HTT: variants seen among roughly 807,000 people sequenced by gnomAD.
The protein encoded by HTT is huntingtin, also known as huntington disease protein.
A neutral mutation model predicts 362.3 loss-of-function variants in HTT; 104 were observed. The ratio of observed to expected loss-of-function variants is 0.29; its 90% CI spans 0.24 to 0.34. The LOEUF is 0.34. HTT is among the 10% of genes least tolerant of loss of function. The probability of loss-of-function intolerance (pLI) is 1.00; values close to 1 mark genes in which losing one functional copy is unlikely to be tolerated. For missense variants in HTT, 3,301 were observed against 3,928.6 expected (o/e 0.84, Z 4.27); for synonymous variants, 1,577 against 1,548.7 (o/e 1.02, Z -0.43).
At chr4:3,127,881 T>C (rs1051768178) in intron 12 of HTT, among the ~76,000 whole-genome samples, 5 of 151,898 alleles carry the variant, frequency 3.3e-5, no homozygotes, top group Non-Finnish European at 5.9e-5. Context: ...GGAGAATTGC[T>C]TGAGCCTGGG....
rs575052638 is a variant in HTT at position 3,186,731 on chromosome 4, G to A, written c.4989+12G>A. The A allele has an allele frequency of 4.3e-5, 69 of 1,611,472 alleles. No homozygotes were observed. The highest frequency in any genetic ancestry group is 2.5e-4 in the South Asian group (23 of 91,038). On this transcript the variant is annotated intron_variant, in intron 38 of 66. Coordinates refer to ENST00000355072, the MANE Select transcript of HTT (RefSeq NM_001388492.1). ...CTCCAAACACAATGGTGAGTCTCTC[G>A]CCTGGCTCAGCAGATGAATCTGGAC...
chr4:3,107,088 A>G (rs1714469777), intron 5 of HTT, among the ~76,000 whole-genome samples, 197 bp from the exon 6 acceptor site: 3 of 152,236 alleles, frequency 2.0e-5, no homozygotes, highest in Non-Finnish European at 4.4e-5. Context: ...CTCTGTGATC[A>G]TAAGAGAAAT....
At chr4:3,176,929 C>T (rs987779891) in intron 33 of HTT, among the ~76,000 whole-genome samples, 2 of 152,166 alleles carry the variant, frequency 1.3e-5, no homozygotes, top group African/African-American at 4.8e-5. Context: ...CCCATGCAGC[C>T]CTTACGTGTC....
chr4:3,172,992 C>T lies in HTT; in HGVS notation c.4027C>T (p.Gln1343Ter). The T allele has an allele frequency of 2.5e-6, 4 of 1,614,204 alleles. No homozygotes were observed. Among genetic ancestry groups the T allele is most frequent in the Non-Finnish European group, 3.4e-6 (4 of 1,180,042 alleles). The change falls in exon 31 of 67, where the codon CAG (glutamine) becomes TAG (stop). Residue 1343 changes from glutamine (Q) to a stop codon, truncating the protein, a stop_gained. Transcript: ENST00000355072. LOFTEE classifies it high-confidence loss of function. ...SNPSKSQGRAQRLGSSSVRPG... is the reference protein window; with the variant it reads ...SNPSKSQGRA ...CCCCAGCAAGTCACAAGGCCGAGCA[C>T]AGCGCCTTGGCTCCTCCAGTGTGAG...
rs186239085 is a variant in HTT, at chr4:3,207,377, T to C, written c.6152+20T>C. On this transcript the variant is annotated intron_variant, in intron 45 of 66. Coordinates refer to ENST00000355072, the MANE Select transcript of HTT (RefSeq NM_001388492.1). Reference sequence around the variant, plus strand: ...TCAGAGGTAATGCTGGAAACACAGGTCGTCCTTGTGTTAGGACAACCCAGG... The same window carrying C: ...TCAGAGGTAATGCTGGAAACACAGGCCGTCCTTGTGTTAGGACAACCCAGG... The C allele has an allele frequency of 3.2e-4, 502 of 1,591,358 alleles. No individual in the cohort carries two copies. The highest frequency in any genetic ancestry group is 6.6e-4 in the Middle Eastern group (4 of 6,036).
At chr4:3,204,273 A>T in intron 42 of HTT, 125 bp downstream of exon 42, 1 of 851,508 alleles carries the variant, frequency 1.2e-6, no homozygotes, top group East Asian at 2.4e-5. Context: ...AGCTCCATCG[A>T]AACTAAATCT....
Position 3,187,840 on chromosome 4 carries a change from A to G in HTT, c.5179A>G (p.Ser1727Gly). Residue 1727 changes from serine to glycine, a missense_variant, in exon 39 of 67, where the codon AGT becomes GGT. By Grantham distance (56) the Ser-to-Gly change is moderately conservative. Coordinates refer to ENST00000355072, the MANE Select transcript of HTT (RefSeq NM_001388492.1). ...CAGTACTTCAACGCTAGAAGAACAC[A>G]GTGAAGGGAAACAAATAAAGAATTT... ...GDSTSTLEEHSEGKQIKNLPE... is the reference protein window; with the variant it reads ...GDSTSTLEEHGEGKQIKNLPE... The G allele has an allele frequency of 1.2e-6, 2 of 1,613,266 alleles. No homozygotes were observed. Among genetic ancestry groups the G allele is most frequent in the Non-Finnish European group, 1.7e-6 (2 of 1,179,246 alleles).
chr4:3,231,071 C>T (rs764185382), intron 60 of HTT, among the ~76,000 whole-genome samples: 25 of 152,204 alleles, frequency 1.6e-4, no homozygotes, highest in Non-Finnish European at 3.1e-4. Context: ...CCGTGGGTCC[C>T]GACATCTGGC....
intron 10 of HTT, 112 bp from the exon 11 acceptor site, chr4:3,125,437 A>G (rs1715478815): frequency 1.5e-6 from 1 of 657,940 alleles, no homozygotes; most frequent in African/African-American, 1.8e-5. Flanking sequence ...ATGATAAACT[A>G]TATTAGAGTA....
intron 45 of HTT, among the ~76,000 whole-genome samples, chr4:3,208,280 A>G (rs952584328): frequency 4.6e-5 from 7 of 152,244 alleles, no homozygotes; most frequent in Non-Finnish European, 1.0e-4. Context: ...CCCTAGACTT[A>G]GTCTTCAGTC....
intron 2 of HTT, among the ~76,000 whole-genome samples, chr4:3,087,482 T>G (rs918269666): frequency 2.6e-5 from 4 of 152,216 alleles, no homozygotes; most frequent in African/African-American, 9.6e-5. Flanking sequence ...GTGGGGATCG[T>G]GGGGCATTGA....
At chr4:3,087,981 G>A (rs1215817027) in intron 2 of HTT, among the ~76,000 whole-genome samples, 1 of 151,946 alleles carries the variant, frequency 6.6e-6, no homozygotes, top group East Asian at 1.9e-4. Context: ...CTCCCAAGTA[G>A]CTGGAGTTAC....
At chr4:3,141,439 C>T (rs1012792082) in intron 22 of HTT, among the ~76,000 whole-genome samples, 3 of 152,070 alleles carry the variant, frequency 2.0e-5, no homozygotes, top group Admixed American at 6.6e-5. Context: ...GAATAAATAA[C>T]GTCTTTTTTC....
Position 3,148,051 on chromosome 4 carries a change from A to G in HTT, c.3342A>G (p.Glu1114=). The change falls in exon 26 of 67, where the codon GAA becomes GAG. Residue 1114 remains glutamate (E), a synonymous_variant. Transcript: ENST00000355072. Reference sequence around the variant, plus strand: ...GAAGTTCATGGGCCTCTGAAGAAGAAGCCAACCCAGCAGCCACCAAGCAAG... The same window carrying G: ...GAAGTTCATGGGCCTCTGAAGAAGAGGCCAACCCAGCAGCCACCAAGCAAG... ...SLRSSWASEE[E]ANPAATKQEE... The G allele has an allele frequency of 6.2e-7, 1 of 1,614,136 alleles. No homozygotes were observed. Among genetic ancestry groups the G allele is most frequent in the Non-Finnish European group, 8.5e-7 (1 of 1,180,002 alleles).
At chr4:3,188,152 G>A in intron 39 of HTT, 1 of 327,646 alleles carries the variant, frequency 3.1e-6, no homozygotes, top group Non-Finnish European at 5.6e-6. Context: ...CAGGGCAGTG[G>A]GGTGGCTGTC....
At chr4:3,138,706 C>A (rs960560289) in intron 21 of HTT, among the ~76,000 whole-genome samples, 3 of 152,110 alleles carry the variant, frequency 2.0e-5, no homozygotes, top group Admixed American at 1.3e-4. Context: ...CTCTGCCTCC[C>A]AGGTTCAAGT....
chr4:3,132,236 A>T (rs1386542867), intron 16 of HTT, among the ~76,000 whole-genome samples: 1 of 152,152 alleles, frequency 6.6e-6, no homozygotes, highest in African/African-American at 2.4e-5. Flanking sequence ...TTGAATTTAT[A>T]TGAGGTAAGT....
chr4:3,224,230 G>A, intron 56 of HTT, 99 bp downstream of exon 56: 2 of 1,294,036 alleles, frequency 1.5e-6, no homozygotes, highest in South Asian at 1.3e-5. Flanking sequence ...AGACCTGAGT[G>A]TGGTCTGAGT....
rs77678993 is a variant in HTT, at chr4:3,146,056, A to G, written c.3144-741A>G. Among the ~76,000 whole-genome samples the G allele has an allele frequency of 7.2e-5, 11 of 152,374 alleles. No homozygotes were observed. In the East Asian group the frequency reaches 2.1e-3, roughly 29 times the overall value. The stretch of plus-strand genomic sequence containing the variant: ...TTTACAATTTAAAATATAGATTTAA[A>G]TGATAAAATAAAAAAGAAAATATGG... On this transcript the variant is annotated intron_variant, in intron 24 of 66. Coordinates refer to ENST00000355072, the MANE Select transcript of HTT (RefSeq NM_001388492.1).
Sources: allele counts gnomAD v4.1 joint callset (sites outside exome capture counted in the v4.1 genomes callset), GRCh38; gene constraint gnomAD v4.1.1; transcripts MANE v1.5; gene names NCBI Gene and HGNC (gene_info 2026-07-23, HGNC 2026-07-21).